RYK: variants seen among roughly 807,000 people sequenced by gnomAD.
RYK encodes inactive tyrosine-protein kinase RYK.
In RYK, 21 loss-of-function variants were observed where a neutral mutation model predicts 70.2. The observed-to-expected ratio is 0.30, with a 90% CI of 0.21 to 0.43. The LOEUF (loss-of-function observed/expected upper bound fraction) is 0.43, where lower values mean the gene tolerates loss of function less well. RYK is among the 20% of genes least tolerant of loss of function. RYK has a pLI of 1.00. For synonymous variants in RYK, 267 were observed against 278.0 expected (o/e 0.96, Z 0.39); for missense variants, 604 against 753.3 (o/e 0.80, Z 2.32).
intron 13 of RYK, among the ~76,000 whole-genome samples, chr3:134,160,361 AAG>A (rs1299731906): frequency 6.6e-6 from 1 of 152,184 alleles, no homozygotes; most frequent in Non-Finnish European, 1.5e-5. Context: ...AAAAGGAAAA[AAG>A]AGAAATACCA....
intron 13 of RYK, among the ~76,000 whole-genome samples, chr3:134,161,250 G>T (rs572189932): frequency 6.6e-6 from 1 of 152,288 alleles, no homozygotes; most frequent in Non-Finnish European, 1.5e-5. Flanking sequence ...TATTAAACAT[G>T]AAATGATATA....
chr3:134,183,694 T>A (rs1422485454), intron 9 of RYK, among the ~76,000 whole-genome samples: 3 of 152,192 alleles, frequency 2.0e-5, no homozygotes, highest in Non-Finnish European at 4.4e-5. Flanking sequence ...ATCCCACTGC[T>A]AAGAGTCTCT....
At chr3:134,203,617 A>T (rs1397473059) in intron 5 of RYK, among the ~76,000 whole-genome samples, 1 of 152,242 alleles carries the variant, frequency 6.6e-6, no homozygotes, top group East Asian at 1.9e-4. Context: ...AACTTGGATA[A>T]GGGTACCTTT....
intron 5 of RYK, among the ~76,000 whole-genome samples, chr3:134,204,125 C>T (rs1293279903): frequency 2.0e-5 from 3 of 152,136 alleles, no homozygotes; most frequent in African/African-American, 7.2e-5. Flanking sequence ...GAGAGTACAA[C>T]AGAAATTGTT....
chr3:134,165,971 A>C (rs2012651546), intron 13 of RYK, among the ~76,000 whole-genome samples: 1 of 152,214 alleles, frequency 6.6e-6, no homozygotes, highest in Non-Finnish European at 1.5e-5. Context: ...GACACTTTGG[A>C]CTTAAGACTT....
chr3:134,171,567 G>A (rs929516107), intron 13 of RYK, among the ~76,000 whole-genome samples: 8 of 152,244 alleles, frequency 5.3e-5, no homozygotes, highest in South Asian at 2.1e-4. Context: ...AAATAAATAC[G>A]TTAAATTAAG....
intron 6 of RYK, among the ~76,000 whole-genome samples, chr3:134,196,774 T>C (rs1301611199): frequency 6.6e-6 from 1 of 152,168 alleles, no homozygotes; most frequent in Non-Finnish European, 1.5e-5. Context: ...AATAATACAA[T>C]ATACTACTAT....
intron 4 of RYK, among the ~76,000 whole-genome samples, chr3:134,208,974 A>C (rs1348853477): frequency 6.6e-6 from 1 of 152,044 alleles, no homozygotes; most frequent in South Asian, 2.1e-4. Context: ...TGACCTTGTA[A>C]ATTTGGGTCA....
intron 1 of RYK, among the ~76,000 whole-genome samples, chr3:134,223,400 A>C (rs1040458028): frequency 2.6e-5 from 4 of 152,184 alleles, no homozygotes; most frequent in Non-Finnish European, 4.4e-5. Flanking sequence ...TTAAAATAAA[A>C]ATTTTTAAGG....
intron 1 of RYK, among the ~76,000 whole-genome samples, chr3:134,239,467 G>A (rs929576142): frequency 6.6e-6 from 1 of 151,602 alleles, no homozygotes; most frequent in Admixed American, 6.6e-5. Context: ...GTCTCAAAAA[G>A]GGGGAAAAAA....
At chr3:134,248,241 G>T (rs529344428) in intron 1 of RYK, among the ~76,000 whole-genome samples, 1 of 152,138 alleles carries the variant, frequency 6.6e-6, no homozygotes, top group African/African-American at 2.4e-5. Context: ...CGCCCCCGGG[G>T]ATAGACAAGG....
chr3:134,195,745 G>A (rs775432515), intron 6 of RYK, among the ~76,000 whole-genome samples: 1 of 152,158 alleles, frequency 6.6e-6, no homozygotes, highest in Non-Finnish European at 1.5e-5. Context: ...TCAGGAGTTC[G>A]ACACCAGTAT....
intron 13 of RYK, among the ~76,000 whole-genome samples, chr3:134,160,975 CCAG>C (rs1425238385): frequency 2.0e-5 from 3 of 152,122 alleles, no homozygotes; most frequent in African/African-American, 7.2e-5. Flanking sequence ...GACTATGTTT[CCAG>C]CAGACCTGTA....
chr3:134,181,414 T>C (rs1329342464), intron 10 of RYK: 2 of 152,366 alleles, frequency 1.3e-5, no homozygotes, highest in Non-Finnish European at 1.5e-5. Flanking sequence ...TCCTTACTGC[T>C]GGCTCATTTG....
Position 134,189,278 on chromosome 3 carries a change from G to A in RYK, c.1016-355C>T, listed in dbSNP as rs573840048. On this transcript the variant is annotated intron_variant, in intron 8 of 14. Transcript: ENST00000623711. ...CTAGGCTTAGCCTCAGAGAAATGAC[G>A]AAAAGACAAAAATGAACTTTCCTCT... is the stretch of plus-strand genomic sequence containing the variant. Among the ~76,000 whole-genome samples, 42 of 152,220 alleles carry A rather than the reference G, an allele frequency of 2.8e-4. 1 individual carries two copies. The South Asian group carries it at 6.4e-3, about 23-fold the overall frequency.
At chr3:134,195,227 T>G (rs916824018) in intron 6 of RYK, 45 bp from the exon 7 acceptor site, 7 of 1,450,608 alleles carry the variant, frequency 4.8e-6, no homozygotes, top group Non-Finnish European at 6.7e-6. Flanking sequence ...TCAGTTTCAA[T>G]GAGAAATTTC....
Position 134,191,877 on chromosome 3 carries a change from CCT to C in RYK, c.985_986del (p.Arg329AspfsTer23), listed in dbSNP as rs1447559253. On this transcript the variant is annotated frameshift_variant, in exon 8 of 15. Transcript: ENST00000623711. LOFTEE classifies it high-confidence loss of function. ...KVKDIAISRERITLKDVLQEG... is the reference protein window; with the variant it reads ...KVKDIAISREXITLKDVLQEG... ...CTTGGAGTACATCTTTTAGAGTTATCCTCTCTCTGGATATTGCTATATCCTTC... is the reference window on the plus strand; with the variant it reads ...CTTGGAGTACATCTTTTAGAGTTATCCTCTCTGGATATTGCTATATCCTTC... 6.2e-7 allele frequency: 1 copy of C among 1,611,164 alleles called. No homozygotes were observed. The highest frequency in any genetic ancestry group is 1.3e-5 in the African/African-American group (1 of 74,776).
At chr3:134,194,642 A>G (rs2013756513) in intron 7 of RYK, among the ~76,000 whole-genome samples, 1 of 152,240 alleles carries the variant, frequency 6.6e-6, no homozygotes, top group African/African-American at 2.4e-5. Flanking sequence ...TCAACTTTCC[A>G]GTGGTAGCTA....
intron 5 of RYK, among the ~76,000 whole-genome samples, chr3:134,207,082 C>T (rs1456969701): frequency 6.6e-6 from 1 of 152,142 alleles, no homozygotes; most frequent in Non-Finnish European, 1.5e-5. Context: ...AACATAATAT[C>T]TTTAAGCTTA....
Sources: gnomAD v4.1 joint callset for allele counts (sites outside exome capture counted in the v4.1 genomes callset) on GRCh38, gnomAD v4.1.1 for gene constraint, MANE v1.5 for transcripts, NCBI Gene and HGNC (gene_info 2026-07-23, HGNC 2026-07-21) for gene names.